PLCE1: variants seen among roughly 807,000 people sequenced by gnomAD.
The protein encoded by PLCE1 is 1-phosphatidylinositol 4,5-bisphosphate phosphodiesterase epsilon-1.
A neutral mutation model predicts 242.8 loss-of-function variants in PLCE1; 119 were observed. The observed-to-expected ratio is 0.49, with a 90% CI of 0.42 to 0.57. PLCE1 has a LOEUF of 0.57. Ranked by LOEUF, PLCE1 falls within the 20% of genes least tolerant of loss-of-function variation. PLCE1 has a pLI of 0.00. For missense variants in PLCE1, 2,441 were observed against 2,788.8 expected, an observed-to-expected ratio of 0.88 and a Z score of 2.81; for synonymous variants, 945 against 1,017.4, an observed-to-expected ratio of 0.93 and a Z score of 1.35.
intron 1 of PLCE1, among the ~76,000 whole-genome samples, chr10:93,999,827 C>T (rs2060899798): frequency 6.6e-6 from 1 of 152,228 alleles, no homozygotes; most frequent in Non-Finnish European, 1.5e-5. Flanking sequence ...CACCTCTGGG[C>T]CCTCCAGTGC....
intron 2 of PLCE1, among the ~76,000 whole-genome samples, chr10:94,074,978 A>G (rs1291424121): frequency 6.6e-6 from 1 of 152,174 alleles, no homozygotes; most frequent in African/African-American, 2.4e-5. Flanking sequence ...GTTTTCTACA[A>G]TGTCAGTAGG....
At position 94,313,341 on chromosome 10, in the gene PLCE1, A is replaced by C; in HGVS notation, c.6091A>C (p.Thr2031Pro). The C allele has an allele frequency of 6.2e-7, 1 of 1,614,200 alleles. No individual in the cohort carries two copies. The highest frequency in any genetic ancestry group is 8.5e-7 in the Non-Finnish European group (1 of 1,180,018). The part of the protein sequence containing the change: ...VPGPEPFTVF[T>P]INGGTKAKQL... ...AGGGCCAGAGCCCTTTACCGTTTTC[A>C]CTATTAATGGAGGCACCAAGGCAAA... The change falls in exon 28 of 33, where the codon ACT becomes CCT. Residue 2031 changes from threonine to proline, a missense_variant. Physicochemically the swap from Thr to Pro is conservative, Grantham distance 38. This residue lies in a region of PLCE1 where 310 missense variants were observed against 317.2 expected (regional missense o/e 0.98). Transcript: ENST00000371380.
chr10:94,265,623 A>C, intron 14 of PLCE1, 24 bp from the exon 15 acceptor site: 1 of 1,591,134 alleles, frequency 6.3e-7, no homozygotes, highest in Non-Finnish European at 8.6e-7. Flanking sequence ...CCTAAATAAC[A>C]CTTTTTTTTT....
chr10:94,324,612 C>T (rs1473421811), intron 31 of PLCE1, 45 bp downstream of exon 31: 1 of 1,420,704 alleles, frequency 7.0e-7, no homozygotes, highest in African/African-American at 1.4e-5. Context: ...TTATCTGATA[C>T]CCATAATTAC....
chr10:94,283,177 GATATA>G (rs2052309053), intron 20 of PLCE1: 1 of 152,304 alleles, frequency 6.6e-6, no homozygotes, highest in African/African-American at 2.4e-5. Context: ...TATATCTTAT[GATATA>G]ATATTCAGAT....
At chr10:94,322,795 A>AT (rs1291931392) in intron 30 of PLCE1, among the ~76,000 whole-genome samples, 1 of 151,870 alleles carries the variant, frequency 6.6e-6, no homozygotes, top group African/African-American at 2.4e-5. Context: ...AAAAAAAAAA[A>AT]AAGTACAAAA....
chr10:94,129,963 A>G (rs182400141), intron 2 of PLCE1, among the ~76,000 whole-genome samples: 243 of 152,096 alleles, frequency 1.6e-3, no homozygotes, highest in Non-Finnish European at 2.4e-3. Context: ...GGCTGTCCTT[A>G]TTGCTTGCAT....
rs750374153 is a variant in PLCE1 at position 94,285,797 on chromosome 10, C to A, written c.5035+832C>A. On this transcript the variant is annotated intron_variant, in intron 22 of 32. Transcript: ENST00000371380. ...AAGGCCCCACCCAAACCACAAGGAC[C>A]AAGGATGGCGTTGAAGTGGAAGGAG... 8.5e-5 allele frequency among the ~76,000 whole-genome samples: 13 copies of A among 152,276 alleles called. No individual in the cohort carries two copies. The South Asian group carries it at 1.0e-3, about 12-fold the overall frequency.
intron 2 of PLCE1, among the ~76,000 whole-genome samples, chr10:94,033,393 G>A (rs570173015): frequency 1.3e-4 from 20 of 151,832 alleles, no homozygotes; most frequent in Middle Eastern, 3.4e-3. Flanking sequence ...CAGAGCAGTC[G>A]ATCACCCTAA....
chr10:94,106,927 T>TCTCTCTCTC (rs1388172490), intron 2 of PLCE1: 3 of 124,798 alleles, frequency 2.4e-5, no homozygotes, highest in African/African-American at 8.8e-5. Flanking sequence ...TCTCTCTCTC[T>TCTCTCTCTC]CTCTCTCTCT....
rs375482673 is a variant in PLCE1, at chr10:94,298,374, T to G, written c.5168-5T>G. On this transcript the variant is annotated splice_polypyrimidine_tract_variant and splice_region_variant and intron_variant, in intron 23 of 32. Coordinates refer to ENST00000371380, the MANE Select transcript of PLCE1 (RefSeq NM_016341.4). The surrounding 1 kb of genome is among the most constrained non-coding windows in gnomAD (Gnocchi z 5.2). ...AATCTGCGGCTAATTTCTTGGGGGG[T>G]TTAGGTTCCTGTGAAGGCATTCGAC... 73 of 1,613,848 alleles carry G rather than the reference T, an allele frequency of 4.5e-5. No homozygotes were observed. The highest frequency in any genetic ancestry group is 5.8e-5 in the Non-Finnish European group (68 of 1,179,836).
At chr10:94,317,773 C>T (rs970651156) in intron 29 of PLCE1, among the ~76,000 whole-genome samples, 12 of 152,100 alleles carry the variant, frequency 7.9e-5, no homozygotes, top group Non-Finnish European at 2.9e-5. Context: ...ACCCTACTAA[C>T]TTAAGAATGA....
chr10:94,259,130 G>A lies in PLCE1; in HGVS notation c.3794G>A (p.Ser1265Asn). The stretch of plus-strand genomic sequence containing the variant: ...AACCTGACAATTGATGAAAACACCA[G>A]CGATCTTCAGCCTGACCTAGGTTTG... Reference protein sequence around the residue: ...YTNLTIDENTSDLQPDLDLLT... With the variant: ...YTNLTIDENTNDLQPDLDLLT... The change falls in exon 13 of 33, where the codon AGC becomes AAC. Residue 1265 changes from serine (S) to asparagine (N), a missense_variant. By Grantham distance (46) the Ser-to-Asn change is conservative (BLOSUM62 1). Transcript: ENST00000371380. 6.2e-7 allele frequency: 1 copy of A among 1,614,120 alleles called. No individual in the cohort carries two copies. The highest frequency in any genetic ancestry group is 2.2e-5 in the East Asian group (1 of 44,884).
At chr10:94,221,373 G>A (rs992840082) in intron 4 of PLCE1, among the ~76,000 whole-genome samples, 1 of 152,214 alleles carries the variant, frequency 6.6e-6, no homozygotes, top group African/African-American at 2.4e-5. Context: ...ACATGTGCTA[G>A]TCAAGATGTT....
In PLCE1 at chr10:94,324,408, T is replaced by C. The variant is rs1446978722; in HGVS notation, c.6561T>C (p.Tyr2187=). 1.9e-5 allele frequency: 31 copies of C among 1,614,070 alleles called. No individual in the cohort carries two copies. Among genetic ancestry groups the C allele is most frequent in the Non-Finnish European group, 2.5e-5 (30 of 1,180,042 alleles). ...SILSNPNPSD[Y]VLLEEVVKDT... Reference sequence around the variant, plus strand: ...TGAGCAACCCCAATCCAAGCGACTATGTGCTTTTGGAAGAGGTGGTGAAAG... The same window carrying C: ...TGAGCAACCCCAATCCAAGCGACTACGTGCTTTTGGAAGAGGTGGTGAAAG... Residue 2187 remains tyrosine, a synonymous_variant, in exon 31 of 33, where the codon TAT becomes TAC. Transcript: ENST00000371380.
chr10:94,309,002 T>G (rs1589516547), intron 27 of PLCE1, among the ~76,000 whole-genome samples: 1 of 152,142 alleles, frequency 6.6e-6, no homozygotes, highest in East Asian at 1.9e-4. Flanking sequence ...ACACCCAAGT[T>G]CCAGTAACAA....
chr10:94,017,666 C>T (rs1381213872), intron 1 of PLCE1, among the ~76,000 whole-genome samples: 2 of 152,166 alleles, frequency 1.3e-5, no homozygotes, highest in Non-Finnish European at 1.5e-5. Context: ...CTAGAAATCA[C>T]CATCTTATAT....
At position 94,094,158 on chromosome 10, in the gene PLCE1, G is replaced by A. The variant is rs929102638; in HGVS notation, c.1207-38016G>A. On this transcript the variant is annotated intron_variant, in intron 2 of 32. Coordinates refer to ENST00000371380, the MANE Select transcript of PLCE1 (RefSeq NM_016341.4). ...GGGTTTCACCGTTTTAGCCGGGATGGTCTCGATCTCCTGACCTCGTGATCC... is the reference window on the plus strand; with the variant it reads ...GGGTTTCACCGTTTTAGCCGGGATGATCTCGATCTCCTGACCTCGTGATCC... Among the ~76,000 whole-genome samples the A allele has an allele frequency of 1.3e-5, 2 of 150,904 alleles. 1 individual carries two copies. Among genetic ancestry groups the A allele is most frequent in the African/African-American group, 4.9e-5 (2 of 40,722 alleles).
chr10:94,314,670 G>A (rs2133763368), intron 28 of PLCE1, among the ~76,000 whole-genome samples: 1 of 152,316 alleles, frequency 6.6e-6, no homozygotes, highest in East Asian at 1.9e-4. Flanking sequence ...TGGCCCTTTA[G>A]CTCCCTCTGA....
Sources: gnomAD v4.1 joint callset for allele counts (sites outside exome capture counted in the v4.1 genomes callset) on GRCh38, gnomAD v4.1.1 for gene constraint, gnomAD v4.1.1 regional missense constraint, Gnocchi (gnomAD v3.1) non-coding constraint, MANE v1.5 for transcripts, NCBI Gene and HGNC (gene_info 2026-07-23, HGNC 2026-07-21) for gene names.